PTPRT: variants seen among roughly 807,000 people sequenced by gnomAD.
The protein encoded by PTPRT is receptor-type tyrosine-protein phosphatase T.
PTPRT carries 56 observed loss-of-function variants against 176.8 expected under a neutral mutation model. The observed-to-expected ratio is 0.32, with a 90% CI of 0.26 to 0.40. The LOEUF is 0.40. Among genes scored for constraint, PTPRT ranks in the 10% least tolerant of loss-of-function variants. The pLI is 1.00. For missense variants in PTPRT, 1,540 were observed against 1,908.2 expected (o/e 0.81, Z 3.60); for synonymous variants, 783 against 739.0 (o/e 1.06, Z -0.96).
intron 7 of PTPRT, among the ~76,000 whole-genome samples, chr20:42,633,782 AAAATATATATATATAT>A (rs2074466697): frequency 8.4e-5 from 3 of 35,606 alleles, no homozygotes; most frequent in Non-Finnish European, 1.4e-4. Flanking sequence ...CAAGACTCTG[AAAATATATATATATAT>A]ATATATATAT....
At chr20:42,344,043 G>T (rs1042372129) in intron 11 of PTPRT, among the ~76,000 whole-genome samples, 1 of 152,168 alleles carries the variant, frequency 6.6e-6, no homozygotes, top group African/African-American at 2.4e-5. Flanking sequence ...GGAATTACAG[G>T]TACCTGCCAC....
intron 2 of PTPRT, among the ~76,000 whole-genome samples, chr20:42,819,750 A>C (rs912143778): frequency 2.0e-5 from 3 of 151,920 alleles, no homozygotes; most frequent in African/African-American, 4.8e-5. Flanking sequence ...AATAAAAAAA[A>C]ATAAAAAAGC....
rs898747559 is a variant in PTPRT, at chr20:42,088,598, T to C, written c.3847-2745A>G. ...CCTTATAGCAGCAGTTGGCATACTATTGCCCACAAGCCAACCCAGCCAGCT... is the reference window on the plus strand; with the variant it reads ...CCTTATAGCAGCAGTTGGCATACTACTGCCCACAAGCCAACCCAGCCAGCT... On this transcript the variant is annotated intron_variant, in intron 27 of 30. Coordinates refer to ENST00000373187, the MANE Select transcript of PTPRT (RefSeq NM_007050.6). 1.1e-3 allele frequency among the ~76,000 whole-genome samples: 166 copies of C among 152,200 alleles called. 3 individuals carry two copies. Among genetic ancestry groups the C allele is most frequent in the Non-Finnish European group, 1.3e-3 (88 of 68,036 alleles).
At position 42,074,155 on chromosome 20, in the gene PTPRT, C is replaced by T. The variant is rs41278132; in HGVS notation, c.*6724G>A. On this transcript the variant is annotated 3_prime_UTR_variant, in exon 31 of 31. Coordinates refer to ENST00000373187, the MANE Select transcript of PTPRT (RefSeq NM_007050.6). ...AATGACACCACTCTGCCCTCTAAGC[C>T]TCCAGACTGCCCTGGGGCCTTTGAC... 0.017 allele frequency: 3,824 copies of T among 228,240 alleles called. 90 individuals are homozygous for T. Among genetic ancestry groups the T allele is most frequent in the East Asian group, 0.1 (1,652 of 15,942 alleles). 14.1% of individuals were successfully genotyped at this position (228,240 alleles called of 1,614,324 possible). A position where few individuals can be genotyped will look rare whatever the true frequency, so the allele number is the denominator to read the frequency against.
intron 9 of PTPRT, among the ~76,000 whole-genome samples, chr20:42,432,791 T>A (rs907461969): frequency 7.9e-5 from 12 of 152,194 alleles, no homozygotes; most frequent in African/African-American, 2.7e-4. Context: ...CTATAACATA[T>A]AAGCCCTCAC....
intron 1 of PTPRT, among the ~76,000 whole-genome samples, chr20:42,901,609 G>T (rs949018822): frequency 6.6e-6 from 1 of 151,992 alleles, no homozygotes; most frequent in African/African-American, 2.4e-5. Context: ...TTCTGTTCTG[G>T]CTTGCCACGA....
intron 6 of PTPRT, among the ~76,000 whole-genome samples, chr20:42,751,912 T>C (rs2076775961): frequency 6.6e-6 from 1 of 152,218 alleles, no homozygotes; most frequent in Non-Finnish European, 1.5e-5. Flanking sequence ...TGTGATCATG[T>C]GAGTCAGTTC....
intron 7 of PTPRT, among the ~76,000 whole-genome samples, chr20:42,547,370 T>C (rs1010443554): frequency 2.6e-5 from 4 of 152,062 alleles, no homozygotes; most frequent in African/African-American, 7.2e-5. Context: ...AAACTTTCTA[T>C]ATGTATATGT....
intron 2 of PTPRT, among the ~76,000 whole-genome samples, chr20:42,804,737 G>A (rs2077580378): frequency 6.6e-6 from 1 of 152,184 alleles, no homozygotes. Flanking sequence ...AGCTTCTGGT[G>A]GTTTGCTGGC....
At chr20:42,300,012 C>T (rs537355312) in intron 12 of PTPRT, among the ~76,000 whole-genome samples, 15 of 150,110 alleles carry the variant, frequency 1.0e-4, no homozygotes, top group African/African-American at 3.6e-4. Context: ...AATCCCAACA[C>T]TTTGGGAGGC....
intron 6 of PTPRT, among the ~76,000 whole-genome samples, chr20:42,753,039 C>A (rs181300587): frequency 3.9e-5 from 6 of 152,270 alleles, no homozygotes. Context: ...AGTTAGCTGA[C>A]AGTCAGGAAG....
At chr20:42,310,272 A>G (rs1449938614) in intron 12 of PTPRT, among the ~76,000 whole-genome samples, 2 of 152,194 alleles carry the variant, frequency 1.3e-5, no homozygotes, top group Non-Finnish European at 2.9e-5. Context: ...TGAGCCTATC[A>G]GAGAAAAGGG....
At chr20:42,758,655 G>A (rs183330793) in intron 5 of PTPRT, among the ~76,000 whole-genome samples, 1 of 152,282 alleles carries the variant, frequency 6.6e-6, no homozygotes, top group East Asian at 1.9e-4. Flanking sequence ...CAGAATGAGA[G>A]GCAGCCATAA....
chr20:42,446,399 G>C (rs542655364), intron 9 of PTPRT, among the ~76,000 whole-genome samples: 2 of 152,052 alleles, frequency 1.3e-5, no homozygotes, highest in African/African-American at 4.8e-5. Flanking sequence ...AGTACCCTAG[G>C]TTAGTCCCCC....
chr20:43,157,783 A>G (rs773230679), intron 1 of PTPRT, among the ~76,000 whole-genome samples: 15 of 152,198 alleles, frequency 9.9e-5, no homozygotes, highest in Admixed American at 3.3e-4. Flanking sequence ...AGGGAAGAAC[A>G]AGTAGAGCAA....
At chr20:42,375,827 A>G (rs762446347) in intron 9 of PTPRT, among the ~76,000 whole-genome samples, 1 of 152,220 alleles carries the variant, frequency 6.6e-6, no homozygotes, top group Non-Finnish European at 1.5e-5. Context: ...AGTCAATTTC[A>G]TTTTTAGTAG....
chr20:42,092,559 G>A (rs1380379246), intron 27 of PTPRT, among the ~76,000 whole-genome samples: 1 of 152,164 alleles, frequency 6.6e-6, no homozygotes, highest in Non-Finnish European at 1.5e-5. Context: ...CTTGACCCCA[G>A]GTTTCTTTTT....
Position 42,128,835 on chromosome 20 carries a change from A to C in PTPRT, c.2771-5T>G. 1 of 1,601,706 alleles carries C rather than the reference A, an allele frequency of 6.2e-7. No individual in the cohort carries two copies. ...GCCTCACCCGGGAATGGTCGTCTGCAGAGAGAGCAGAAATCAAGGGGATGG... is the reference window on the plus strand; with the variant it reads ...GCCTCACCCGGGAATGGTCGTCTGCCGAGAGAGCAGAAATCAAGGGGATGG... On this transcript the variant is annotated splice_polypyrimidine_tract_variant and splice_region_variant and intron_variant, in intron 18 of 30. Transcript: ENST00000373187.
intron 6 of PTPRT, among the ~76,000 whole-genome samples, chr20:42,752,829 C>A (rs945302792): frequency 4.6e-5 from 7 of 152,150 alleles, no homozygotes; most frequent in African/African-American, 7.2e-5. Context: ...TTCTTCCAAA[C>A]GCTTGGGTTT....
Sources: allele counts gnomAD v4.1 joint callset (sites outside exome capture counted in the v4.1 genomes callset), GRCh38; gene constraint gnomAD v4.1.1; transcripts MANE v1.5; gene names NCBI Gene and HGNC (gene_info 2026-07-23, HGNC 2026-07-21).